CDH12: variants seen among roughly 807,000 people sequenced by gnomAD.
CDH12 encodes cadherin 12.
CDH12 carries 41 observed loss-of-function variants against 74.1 expected under a neutral mutation model. That is an observed-to-expected ratio of 0.55 (90% confidence interval 0.43 to 0.72). The LOEUF (loss-of-function observed/expected upper bound fraction) is 0.72, where lower values mean the gene tolerates loss of function less well. Ranked by LOEUF, CDH12 falls within the 30% of genes least tolerant of loss-of-function variation. CDH12 has a pLI of 0.00. For missense variants in CDH12, 945 were observed against 977.2 expected, an observed-to-expected ratio of 0.97 and a Z score of 0.44; for synonymous variants, 399 against 355.0, an observed-to-expected ratio of 1.12 and a Z score of -1.39.
chr5:22,838,061 G>A lies in CDH12; in HGVS notation c.-523+14997C>T, dbSNP rs575411392. Among the ~76,000 whole-genome samples, 5 of 152,282 alleles carry A rather than the reference G, an allele frequency of 3.3e-5. No individual in the cohort carries two copies. In the South Asian group the frequency reaches 1.0e-3, roughly 32 times the overall value. ...CCATTATTCTCCAAGGTCATTGTAG[G>A]GAGATATTTGATGGAAAGATCCAGA... On this transcript the variant is annotated intron_variant, in intron 1 of 14. Coordinates refer to ENST00000382254, the MANE Select transcript of CDH12 (RefSeq NM_004061.5).
chr5:22,623,913 T>C (rs553634578), intron 1 of CDH12, among the ~76,000 whole-genome samples: 1 of 152,196 alleles, frequency 6.6e-6, no homozygotes, highest in Non-Finnish European at 1.5e-5. Flanking sequence ...GACTTCAAAT[T>C]ATACTACAAG....
chr5:22,503,194 T>A (rs1736243287), intron 2 of CDH12, among the ~76,000 whole-genome samples: 1 of 152,158 alleles, frequency 6.6e-6, no homozygotes, highest in African/African-American at 2.4e-5. Flanking sequence ...TTATAATAAA[T>A]TCATACAATT....
intron 1 of CDH12, among the ~76,000 whole-genome samples, chr5:22,666,155 T>C (rs1740602248): frequency 1.3e-5 from 2 of 152,158 alleles, no homozygotes; most frequent in African/African-American, 4.8e-5. Flanking sequence ...TCCAATGCAG[T>C]TGACAAATCT....
At chr5:22,670,630 G>T (rs1740854697) in intron 1 of CDH12, among the ~76,000 whole-genome samples, 1 of 151,914 alleles carries the variant, frequency 6.6e-6, no homozygotes, top group African/African-American at 2.4e-5. Flanking sequence ...TGCTTTACTG[G>T]CTATTTCTAT....
intron 2 of CDH12, among the ~76,000 whole-genome samples, chr5:22,421,827 C>T (rs1311764822): frequency 6.6e-6 from 1 of 152,160 alleles, no homozygotes; most frequent in East Asian, 1.9e-4. Context: ...ATTCCTGTTT[C>T]CCCACATCCT....
At chr5:21,877,699 T>G (rs932354480) in intron 6 of CDH12, among the ~76,000 whole-genome samples, 2 of 152,148 alleles carry the variant, frequency 1.3e-5, no homozygotes, top group African/African-American at 4.8e-5. Context: ...CAGCTTCAAA[T>G]GAAAAATGTC....
At chr5:22,248,730 C>G (rs1277611084) in intron 3 of CDH12, among the ~76,000 whole-genome samples, 4 of 152,090 alleles carry the variant, frequency 2.6e-5, no homozygotes, top group Non-Finnish European at 5.9e-5. Context: ...TCACATTCTC[C>G]AAGTTTCATA....
chr5:22,246,195 GTTAA>G (rs1429367228), intron 3 of CDH12, among the ~76,000 whole-genome samples: 2 of 152,086 alleles, frequency 1.3e-5, no homozygotes, highest in Admixed American at 6.5e-5. Flanking sequence ...TTAATTCAGT[GTTAA>G]TTAATTTAAG....
At chr5:21,879,485 T>A (rs1203466215) in intron 6 of CDH12, among the ~76,000 whole-genome samples, 1 of 152,174 alleles carries the variant, frequency 6.6e-6, no homozygotes, top group Non-Finnish European at 1.5e-5. Flanking sequence ...CTTTAAAGTG[T>A]GTATTTGATG....
intron 6 of CDH12, among the ~76,000 whole-genome samples, chr5:21,940,337 A>G (rs1207372936): frequency 6.6e-6 from 1 of 152,190 alleles, no homozygotes; most frequent in African/African-American, 2.4e-5. Context: ...ATCATTCTGG[A>G]GGGTGGGTGA....
At chr5:22,141,831 G>A (rs1321142681) in intron 4 of CDH12, among the ~76,000 whole-genome samples, 1 of 152,152 alleles carries the variant, frequency 6.6e-6, no homozygotes, top group Non-Finnish European at 1.5e-5. Context: ...GCATTGCTAG[G>A]TACTAATCAT....
chr5:21,775,091 A>T (rs1277407440), intron 11 of CDH12, among the ~76,000 whole-genome samples: 1 of 152,186 alleles, frequency 6.6e-6, no homozygotes, highest in African/African-American at 2.4e-5. Flanking sequence ...GCTGTGATTC[A>T]CATTGAGGAA....
chr5:22,780,786 T>A (rs910277324), intron 1 of CDH12, among the ~76,000 whole-genome samples: 1 of 152,156 alleles, frequency 6.6e-6, no homozygotes, highest in Admixed American at 6.6e-5. Flanking sequence ...CTCTTTTTTT[T>A]AAGTGTGATC....
At chr5:22,621,892 A>G (rs1011636097) in intron 1 of CDH12, among the ~76,000 whole-genome samples, 2 of 152,110 alleles carry the variant, frequency 1.3e-5, no homozygotes, top group African/African-American at 4.8e-5. Flanking sequence ...AGGCTCTGGT[A>G]CAATCATTTT....
At chr5:22,777,039 G>T (rs1038167180) in intron 1 of CDH12, among the ~76,000 whole-genome samples, 4 of 152,004 alleles carry the variant, frequency 2.6e-5, no homozygotes, top group Non-Finnish European at 5.9e-5. Context: ...ACATTTCCAA[G>T]GATTCTAGTC....
chr5:22,675,573 A>G (rs1486686782), intron 1 of CDH12, among the ~76,000 whole-genome samples: 3 of 151,532 alleles, frequency 2.0e-5, no homozygotes, highest in Non-Finnish European at 4.4e-5. Flanking sequence ...ATGAGTTAAG[A>G]CTCTAGGGGA....
intron 4 of CDH12, among the ~76,000 whole-genome samples, chr5:22,140,774 A>C (rs1389795392): frequency 1.3e-5 from 2 of 152,122 alleles, no homozygotes; most frequent in East Asian, 1.9e-4. Context: ...ACAGGTCACC[A>C]AGGAAATGGC....
At chr5:22,128,593 A>C (rs532074822) in intron 4 of CDH12, among the ~76,000 whole-genome samples, 1 of 152,350 alleles carries the variant, frequency 6.6e-6, no homozygotes, top group East Asian at 1.9e-4. Flanking sequence ...CTATAAGTAC[A>C]AATTTAAAAT....
intron 1 of CDH12, among the ~76,000 whole-genome samples, chr5:22,681,226 G>T (rs867364554): frequency 1.3e-4 from 5 of 38,306 alleles, no homozygotes; most frequent in South Asian, 8.4e-4. Flanking sequence ...TGGGTATTGG[G>T]GGGTGTGTGT....
Sources: allele counts gnomAD v4.1 joint callset (sites outside exome capture counted in the v4.1 genomes callset), GRCh38; gene constraint gnomAD v4.1.1; transcripts MANE v1.5; gene names NCBI Gene and HGNC (gene_info 2026-07-23, HGNC 2026-07-21).